The following LRRC7 variants were observed in gnomAD, a reference collection of about 807,000 sequenced individuals.
The protein encoded by LRRC7 is leucine-rich repeat-containing protein 7.
A neutral mutation model predicts 175.7 loss-of-function variants in LRRC7; 23 were observed. The ratio of observed to expected loss-of-function variants is 0.13; its 90% CI spans 0.09 to 0.19. LRRC7 has a LOEUF of 0.19. Among genes scored for constraint, LRRC7 ranks in the 10% least tolerant of loss-of-function variants. LRRC7 has a pLI of 1.00. For missense variants in LRRC7, 1,354 were observed against 1,904.7 expected, an observed-to-expected ratio of 0.71 and a Z score of 5.38; for synonymous variants, 685 against 680.9, an observed-to-expected ratio of 1.01 and a Z score of -0.09.
In LRRC7 at chr1:70,138,360, T is replaced by C. The variant is rs1054923066; in HGVS notation, c.*16473T>C. 2 of 152,146 alleles carry C rather than the reference T, an allele frequency of 1.3e-5. No individual in the cohort carries two copies. Among genetic ancestry groups the C allele is most frequent in the African/African-American group, 4.8e-5 (2 of 41,440 alleles). 9.4% of individuals were successfully genotyped at this position (152,146 alleles called of 1,614,324 possible). A position where few individuals can be genotyped will look rare whatever the true frequency, so the allele number is the denominator to read the frequency against. ...GAAGCCACCTTTTAAAAAAGATCAG[T>C]TCTGTAAAGCATAATGCCTACTACA... On this transcript the variant is annotated 3_prime_UTR_variant, in exon 27 of 27. Transcript: ENST00000651989.
chr1:69,739,443 C>T (rs1336828244), intron 2 of LRRC7, among the ~76,000 whole-genome samples: 1 of 152,072 alleles, frequency 6.6e-6, no homozygotes, highest in Non-Finnish European at 1.5e-5. Flanking sequence ...ATAAGAACAG[C>T]TTGAGGCCAT....
At position 69,737,656 on chromosome 1, in the gene LRRC7, A is replaced by C. The variant is rs571356682; in HGVS notation, c.101-22535A>C. 3.3e-5 allele frequency among the ~76,000 whole-genome samples: 5 copies of C among 152,012 alleles called. No individual in the cohort carries two copies. In the South Asian group the frequency reaches 1.0e-3, roughly 32 times the overall value. Reference sequence around the variant, plus strand: ...TCCCAGAATTTCCTTGCCCTAGTTTACTTCTATGTAGTGGTCCCATGCTAT... The same window carrying C: ...TCCCAGAATTTCCTTGCCCTAGTTTCCTTCTATGTAGTGGTCCCATGCTAT... On this transcript the variant is annotated intron_variant, in intron 2 of 26. Transcript: ENST00000651989.
chr1:69,718,187 AAGAG>A (rs1174278379), intron 2 of LRRC7, among the ~76,000 whole-genome samples: 1 of 150,534 alleles, frequency 6.6e-6, no homozygotes, highest in African/African-American at 2.4e-5. Context: ...AAAGAAAAGA[AAGAG>A]AGAGAGAAAG....
At chr1:69,667,852 T>A (rs1330670416) in intron 1 of LRRC7, among the ~76,000 whole-genome samples, 1 of 152,170 alleles carries the variant, frequency 6.6e-6, no homozygotes, top group Non-Finnish European at 1.5e-5. Context: ...TTATCATTTG[T>A]TTTCTGGTTG....
Position 70,143,169 on chromosome 1 carries a change from G to T in LRRC7, c.*21282G>T, listed in dbSNP as rs2102295331. On this transcript the variant is annotated 3_prime_UTR_variant, in exon 27 of 27. Transcript: ENST00000651989. ...CTAAGCAGTGATACAACTTTGGGTC[G>T]CTATTTTAGTAAAATGAAGAGTCTC... 1 of 148,086 alleles carries T rather than the reference G, an allele frequency of 6.8e-6. No homozygotes were observed. The highest frequency in any genetic ancestry group is 6.8e-5 in the Admixed American group (1 of 14,740). The allele number at this position is 148,086 out of a possible 1,614,324, so 9.2% of individuals were successfully genotyped here. A position where few individuals can be genotyped will look rare whatever the true frequency, so the allele number is the denominator to read the frequency against.
At position 69,595,880 on chromosome 1, in the gene LRRC7, G is replaced by C. The variant is rs1646822150; in HGVS notation, c.2+27239G>C. 2.0e-5 allele frequency among the ~76,000 whole-genome samples: 3 copies of C among 151,642 alleles called. No individual in the cohort carries two copies. In the South Asian group the frequency reaches 6.2e-4, roughly 32 times the overall value. On this transcript the variant is annotated intron_variant, in intron 1 of 26. Transcript: ENST00000651989. ...CAGTCACTTTTCCTTAACTTCCTTA[G>C]CTTTTACAATAAAGCACATATTTTT...
At chr1:69,658,814 T>C (rs1286335462) in intron 1 of LRRC7, among the ~76,000 whole-genome samples, 12 of 151,942 alleles carry the variant, frequency 7.9e-5, no homozygotes, top group Admixed American at 7.2e-4. Context: ...AAATACACAA[T>C]GGAAATGGGA....
rs2102279336 is a variant in LRRC7, at chr1:70,136,067, G to A, written c.*14180G>A. On this transcript the variant is annotated 3_prime_UTR_variant, in exon 27 of 27. Transcript: ENST00000651989. The stretch of plus-strand genomic sequence containing the variant: ...TCTCTCTCTCTCTGTGTGTGTCTGT[G>A]TGTGTGTCTGTGTGTGTGTGTGTGT... 7.2e-5 allele frequency among the ~76,000 whole-genome samples: 1 copy of A among 13,972 alleles called. No individual in the cohort carries two copies. The highest frequency in any genetic ancestry group is 1.3e-4 in the Non-Finnish European group (1 of 7,626). The allele number at this position is 13,972 out of a possible 152,430, so 9.2% of individuals were successfully genotyped here. A position where few individuals can be genotyped will look rare whatever the true frequency, so the allele number is the denominator to read the frequency against.
Position 69,835,004 on chromosome 1 carries a change from C to T in LRRC7, c.590+135C>T, listed in dbSNP as rs1375635980. The T allele has an allele frequency of 2.3e-5, 14 of 602,854 alleles. No homozygotes were observed. The East Asian group carries it at 3.1e-4, about 13-fold the overall frequency. 37.3% of individuals were successfully genotyped at this position (602,854 alleles called of 1,614,324 possible). On this transcript the variant is annotated intron_variant, in intron 6 of 26. Coordinates refer to ENST00000651989, the MANE Select transcript of LRRC7 (RefSeq NM_001370785.2). ...TCATTATTATTCAATAAATGAAACG[C>T]TGTTAATTAATGAAACTTTTGCAAA...
At chr1:70,015,668 T>C (rs1656902531) in intron 13 of LRRC7, among the ~76,000 whole-genome samples, 1 of 152,162 alleles carries the variant, frequency 6.6e-6, no homozygotes, top group Non-Finnish European at 1.5e-5. Context: ...ACTTTGGCCC[T>C]CCAAAGGCTG....
chr1:69,914,384 T>C (rs972626338), intron 7 of LRRC7, among the ~76,000 whole-genome samples: 1 of 152,164 alleles, frequency 6.6e-6, no homozygotes, highest in African/African-American at 2.4e-5. Context: ...ATTGCATAAA[T>C]TCCATCACTG....
chr1:69,633,704 C>G (rs1168513324), intron 1 of LRRC7, among the ~76,000 whole-genome samples: 1 of 152,178 alleles, frequency 6.6e-6, no homozygotes, highest in African/African-American at 2.4e-5. Flanking sequence ...GCTGGGATTA[C>G]AGGCATGAGC....
At chr1:69,818,250 G>T (rs1173582573) in intron 4 of LRRC7, among the ~76,000 whole-genome samples, 3 of 152,014 alleles carry the variant, frequency 2.0e-5, no homozygotes, top group African/African-American at 7.2e-5. Flanking sequence ...CTGTAGTGTT[G>T]TCATATGTGG....
chr1:69,810,575 A>G (rs1347712185), intron 4 of LRRC7, among the ~76,000 whole-genome samples: 2 of 152,190 alleles, frequency 1.3e-5, no homozygotes, highest in Non-Finnish European at 2.9e-5. Flanking sequence ...CAAAACAGAT[A>G]TATAGACCAA....
intron 24 of LRRC7, among the ~76,000 whole-genome samples, chr1:70,087,379 A>T (rs1272506272): frequency 6.6e-6 from 1 of 152,202 alleles, no homozygotes; most frequent in Non-Finnish European, 1.5e-5. Flanking sequence ...AAATGTTCAC[A>T]TTAGAAAGAT....
chr1:69,835,800 A>G (rs1286137595), intron 6 of LRRC7, among the ~76,000 whole-genome samples: 1 of 152,068 alleles, frequency 6.6e-6, no homozygotes, highest in Non-Finnish European at 1.5e-5. Flanking sequence ...ATTATGGTTC[A>G]TCTATATGAT....
At chr1:69,828,974 G>T (rs925028943) in intron 5 of LRRC7, among the ~76,000 whole-genome samples, 1 of 151,830 alleles carries the variant, frequency 6.6e-6, no homozygotes, top group Non-Finnish European at 1.5e-5. Flanking sequence ...ATCTTAATTT[G>T]CCTATTCCAA....
At chr1:69,662,625 T>A (rs749220742) in intron 1 of LRRC7, among the ~76,000 whole-genome samples, 1 of 152,234 alleles carries the variant, frequency 6.6e-6, no homozygotes, top group Non-Finnish European at 1.5e-5. Flanking sequence ...AACATGTGGT[T>A]TCTTTTCACA....
chr1:70,026,703 A>T (rs1322463676), intron 17 of LRRC7, among the ~76,000 whole-genome samples: 1 of 152,170 alleles, frequency 6.6e-6, no homozygotes, highest in African/African-American at 2.4e-5. Context: ...AGATTAAACT[A>T]CATTTAAACA....
Sources: gnomAD v4.1 joint callset for allele counts (sites outside exome capture counted in the v4.1 genomes callset) on GRCh38, gnomAD v4.1.1 for gene constraint, MANE v1.5 for transcripts, NCBI Gene and HGNC (gene_info 2026-07-23, HGNC 2026-07-21) for gene names.